The following IQCJ variants were observed in gnomAD, a reference collection of about 807,000 sequenced individuals.
IQCJ encodes the protein IQ motif containing J, also known as IQ domain-containing protein J.
In IQCJ, 9 loss-of-function variants were observed where a neutral mutation model predicts 11.0. The observed-to-expected ratio is 0.82, with a 90% CI of 0.49 to 1.43. IQCJ has a LOEUF of 1.43. Ranked by LOEUF, IQCJ falls within the 40% of genes most tolerant of loss-of-function variation. The probability of loss-of-function intolerance (pLI) is 0.00; values close to 1 mark genes in which losing one functional copy is unlikely to be tolerated. For synonymous variants in IQCJ, 55 were observed against 51.3 expected, an observed-to-expected ratio of 1.07 and a Z score of -0.31; for missense variants, 146 against 133.2, an observed-to-expected ratio of 1.10 and a Z score of -0.47.
intron 1 of IQCJ, among the ~76,000 whole-genome samples, chr3:159,088,748 C>CT (rs201522950): frequency 0.079 from 11,919 of 151,670 alleles, 771 homozygotes; most frequent in East Asian, 0.35. Context: ...CAACCCCTGC[C>CT]TTTTTTTGTT....
At chr3:159,201,817 CTGT>C (rs1466960468) in intron 1 of IQCJ, among the ~76,000 whole-genome samples, 1 of 151,698 alleles carries the variant, frequency 6.6e-6, no homozygotes, top group Non-Finnish European at 1.5e-5. Context: ...TGGAAGTTTT[CTGT>C]TGTTGTTGTT....
intron 1 of IQCJ, among the ~76,000 whole-genome samples, chr3:159,224,896 C>T (rs1725759841): frequency 2.6e-5 from 4 of 152,086 alleles, no homozygotes; most frequent in Admixed American, 2.6e-4. Context: ...ACACAAAACA[C>T]TGGCAAGGAT....
chr3:159,218,728 A>G (rs182585605), intron 1 of IQCJ, among the ~76,000 whole-genome samples: 383 of 152,206 alleles, frequency 2.5e-3, no homozygotes, highest in African/African-American at 8.9e-3. Flanking sequence ...TTTGGAGTGA[A>G]TCTTTGTATT....
At chr3:159,206,014 C>G (rs73877554) in intron 1 of IQCJ, among the ~76,000 whole-genome samples, 1,740 of 152,194 alleles carry the variant, frequency 0.011, 28 homozygotes, top group African/African-American at 0.04. Context: ...ACAGATTTTT[C>G]TTCTTTTCTT....
intron 2 of IQCJ, among the ~76,000 whole-genome samples, chr3:159,247,159 C>G (rs888995023): frequency 3.9e-5 from 6 of 152,150 alleles, no homozygotes; most frequent in African/African-American, 1.4e-4. Flanking sequence ...TGCAGTGGCA[C>G]TATCTCAGCT....
intron 1 of IQCJ, among the ~76,000 whole-genome samples, chr3:159,087,990 A>G (rs1408739316): frequency 2.0e-5 from 3 of 150,852 alleles, no homozygotes; most frequent in Non-Finnish European, 4.4e-5. Flanking sequence ...TTGCTTTTCT[A>G]GTTCTTTTAA....
At chr3:159,228,921 A>T (rs1023389049) in intron 1 of IQCJ, among the ~76,000 whole-genome samples, 3 of 152,218 alleles carry the variant, frequency 2.0e-5, no homozygotes, top group Non-Finnish European at 4.4e-5. Flanking sequence ...TAGAAGAAAG[A>T]CTTAATCTTC....
At chr3:159,071,314 T>C (rs964789375) in intron 1 of IQCJ, among the ~76,000 whole-genome samples, 4 of 152,020 alleles carry the variant, frequency 2.6e-5, no homozygotes, top group Admixed American at 6.6e-5. Flanking sequence ...GTTATACTCA[T>C]ATATTGTTCT....
At chr3:159,222,275 T>C (rs1157482359) in intron 1 of IQCJ, among the ~76,000 whole-genome samples, 1 of 152,112 alleles carries the variant, frequency 6.6e-6, no homozygotes, top group African/African-American at 2.4e-5. Context: ...ATAAAGAAAT[T>C]GTGTGTGTTC....
intron 1 of IQCJ, among the ~76,000 whole-genome samples, chr3:159,183,608 C>G (rs1211717489): frequency 6.6e-6 from 1 of 152,184 alleles, no homozygotes; most frequent in African/African-American, 2.4e-5. Flanking sequence ...ATATCAAAGA[C>G]TTGTTACAAT....
chr3:159,191,364 G>A (rs995181887), intron 1 of IQCJ, among the ~76,000 whole-genome samples: 2 of 152,156 alleles, frequency 1.3e-5, no homozygotes, highest in South Asian at 2.1e-4. Flanking sequence ...ACAGACTGAG[G>A]ACCTAAGATG....
chr3:159,094,215 G>T (rs1365803492), intron 1 of IQCJ, among the ~76,000 whole-genome samples: 1 of 151,452 alleles, frequency 6.6e-6, no homozygotes, highest in African/African-American at 2.4e-5. Context: ...CAGCCACTGG[G>T]GACAAAGACA....
At chr3:159,168,962 G>A (rs1360414387) in intron 1 of IQCJ, among the ~76,000 whole-genome samples, 1 of 128,272 alleles carries the variant, frequency 7.8e-6, no homozygotes, top group African/African-American at 2.8e-5. Context: ...TCATGACGAT[G>A]AAGACATGAT....
chr3:159,145,301 T>C (rs1276348694), intron 1 of IQCJ, among the ~76,000 whole-genome samples: 1 of 152,184 alleles, frequency 6.6e-6, no homozygotes, highest in Non-Finnish European at 1.5e-5. Context: ...GAAAAAGACA[T>C]GAACTGTGGA....
chr3:159,172,499 T>C (rs74834685), intron 1 of IQCJ, among the ~76,000 whole-genome samples: 5,933 of 152,188 alleles, frequency 0.039, 375 homozygotes, highest in African/African-American at 0.14. Flanking sequence ...AACAGCACCA[T>C]ATATGATATA....
chr3:159,264,587 G>A (rs1213554446), downstream of IQCJ, among the ~76,000 whole-genome samples: 1 of 152,166 alleles, frequency 6.6e-6, no homozygotes, highest in African/African-American at 2.4e-5. Context: ...TGCTGAGGAT[G>A]ACTGTATTCA....
At chr3:159,259,138 A>T (rs1317251253) in intron 3 of IQCJ, among the ~76,000 whole-genome samples, 1 of 152,122 alleles carries the variant, frequency 6.6e-6, no homozygotes, top group African/African-American at 2.4e-5. Flanking sequence ...TGAGTCCCCC[A>T]AGTGGCTGTG....
intron 1 of IQCJ, among the ~76,000 whole-genome samples, chr3:159,113,226 T>G (rs1251575874): frequency 1.3e-5 from 2 of 152,242 alleles, no homozygotes; most frequent in Non-Finnish European, 2.9e-5. Context: ...TTAGCTGTGC[T>G]TCTGTAAATT....
At chr3:159,075,563 C>T (rs967701308) in intron 1 of IQCJ, among the ~76,000 whole-genome samples, 6 of 151,966 alleles carry the variant, frequency 3.9e-5, no homozygotes, top group Non-Finnish European at 7.4e-5. Context: ...ATAGAGCTAT[C>T]GTAAGCCAAT....
Sources: gnomAD v4.1 joint callset for allele counts (sites outside exome capture counted in the v4.1 genomes callset) on GRCh38, gnomAD v4.1.1 for gene constraint, MANE v1.5 for transcripts, NCBI Gene and HGNC (gene_info 2026-07-23, HGNC 2026-07-21) for gene names.